Variants in PRAG1 observed in about 807,000 individuals in gnomAD.
PRAG1 encodes the protein PEAK1 related, kinase-activating pseudokinase 1.
A neutral mutation model predicts 95.6 loss-of-function variants in PRAG1; 110 were observed. The observed-to-expected ratio is 1.15, with a 90% CI of 0.99 to 1.35. PRAG1 has a LOEUF of 1.35. Among genes scored for constraint, PRAG1 ranks in the 40% most tolerant of loss-of-function variants. The pLI is 0.00. For missense variants in PRAG1, 2,554 were observed against 1,864.7 expected (o/e 1.37, Z -6.81); for synonymous variants, 1,052 against 819.4 (o/e 1.28, Z -4.85).
chr8:8,369,504 C>A (rs1314880261), intron 3 of PRAG1, among the ~76,000 whole-genome samples: 1 of 152,146 alleles, frequency 6.6e-6, no homozygotes, highest in Admixed American at 6.5e-5. Flanking sequence ...CTGTTATGTG[C>A]AAAGCAAGGA....
At chr8:8,364,040 T>C (rs1056334951) in intron 3 of PRAG1, among the ~76,000 whole-genome samples, 2 of 152,226 alleles carry the variant, frequency 1.3e-5, no homozygotes, top group Admixed American at 6.5e-5. Flanking sequence ...GCTACTATAA[T>C]GTTATGACAA....
At chr8:8,374,610 C>T (rs1311406902) in intron 3 of PRAG1, 1 of 961,908 alleles carries the variant, frequency 1.0e-6, no homozygotes, top group African/African-American at 1.8e-5. Flanking sequence ...TTAAATCCAT[C>T]CCTGGCCCAT....
chr8:8,385,442 A>G (rs1486433278), intron 1 of PRAG1, among the ~76,000 whole-genome samples: 1 of 152,204 alleles, frequency 6.6e-6, no homozygotes, highest in Non-Finnish European at 1.5e-5. Context: ...AGACCTCAGG[A>G]GAGAAAAATA....
intron 3 of PRAG1, among the ~76,000 whole-genome samples, chr8:8,367,527 G>A (rs1242140643): frequency 1.4e-5 from 2 of 139,552 alleles, no homozygotes; most frequent in East Asian, 4.3e-4. Flanking sequence ...CCACCACGCT[G>A]ACTGCTTTTA....
chr8:8,364,670 T>G (rs1055391808), intron 3 of PRAG1, among the ~76,000 whole-genome samples: 6 of 152,260 alleles, frequency 3.9e-5, no homozygotes, highest in African/African-American at 9.6e-5. Context: ...CAATGTTGTT[T>G]TTTTTTTTGT....
At chr8:8,385,661 G>A (rs559645162) in intron 1 of PRAG1, among the ~76,000 whole-genome samples, 57 of 152,362 alleles carry the variant, frequency 3.7e-4, no homozygotes, top group African/African-American at 1.4e-3. Context: ...TTACCTGAGA[G>A]AAACGCACAC....
chr8:8,365,933 T>C (rs1442431194), intron 3 of PRAG1, among the ~76,000 whole-genome samples: 1 of 151,966 alleles, frequency 6.6e-6, no homozygotes, highest in Non-Finnish European at 1.5e-5. Context: ...TGAGCTGAGA[T>C]CGTGCTTGCA....
chr8:8,369,105 G>C (rs1800108096), intron 3 of PRAG1, among the ~76,000 whole-genome samples: 2 of 151,838 alleles, frequency 1.3e-5, no homozygotes, highest in Admixed American at 6.6e-5. Flanking sequence ...ATGTTCTGTT[G>C]AGCGAGAATA....
chr8:8,372,356 A>T (rs1010107906), intron 3 of PRAG1, among the ~76,000 whole-genome samples: 3 of 152,182 alleles, frequency 2.0e-5, no homozygotes, highest in Non-Finnish European at 4.4e-5. Context: ...CATTTAAACT[A>T]TGAGTTCACC....
intron 3 of PRAG1, among the ~76,000 whole-genome samples, chr8:8,349,364 T>C (rs908312126): frequency 6.6e-6 from 1 of 152,106 alleles, no homozygotes; most frequent in Admixed American, 6.5e-5. Context: ...CACTGCAAGA[T>C]CTGCCTCCCG....
Position 8,377,423 on chromosome 8 carries a change from G to A in PRAG1, c.986C>T (p.Ser329Phe), listed in dbSNP as rs902545375. Reference protein sequence around the residue: ...HPSCLGPKKLSLTSEAAISSD... With the variant: ...HPSCLGPKKLFLTSEAAISSD... ...AGAAATGGCAGCCTCCGAGGTGAGG[G>A]ACAGTTTCTTGGGGCCCAGGCAGGA... Residue 329 changes from serine to phenylalanine, a missense_variant, in exon 3 of 6, where the codon TCC becomes TTC. Transcript: ENST00000615670. 6.4e-7 allele frequency: 1 copy of A among 1,565,344 alleles called. No individual in the cohort carries two copies. The highest frequency in any genetic ancestry group is 8.6e-7 in the Non-Finnish European group (1 of 1,156,836).
At chr8:8,363,352 C>T (rs749668552) in intron 3 of PRAG1, among the ~76,000 whole-genome samples, 40 of 152,146 alleles carry the variant, frequency 2.6e-4, no homozygotes, top group Admixed American at 9.8e-4. Flanking sequence ...AATAGTACAA[C>T]GGTATATACA....
chr8:8,325,046 C>A (rs1798590775), intron 5 of PRAG1, among the ~76,000 whole-genome samples: 1 of 152,278 alleles, frequency 6.6e-6, no homozygotes, highest in South Asian at 2.1e-4. Context: ...GCCTTCAGTG[C>A]CGGCTCCCTG....
At chr8:8,357,679 C>T (rs1799724104) in intron 3 of PRAG1, among the ~76,000 whole-genome samples, 1 of 152,146 alleles carries the variant, frequency 6.6e-6, no homozygotes. Context: ...CCAACAATTC[C>T]ACTTTGTGGT....
intron 3 of PRAG1, among the ~76,000 whole-genome samples, chr8:8,344,551 T>C (rs1378446337): frequency 6.6e-6 from 1 of 152,200 alleles, no homozygotes; most frequent in Admixed American, 6.5e-5. Flanking sequence ...TCTTCCACAG[T>C]AGCAGTAACA....
intron 3 of PRAG1, among the ~76,000 whole-genome samples, chr8:8,350,402 A>G (rs1000784277): frequency 9.2e-5 from 14 of 152,358 alleles, no homozygotes; most frequent in Admixed American, 7.8e-4. Context: ...GTTCCAACTC[A>G]TGGCCTGGAA....
chr8:8,376,365 C>T lies in PRAG1; in HGVS notation c.2044G>A (p.Gly682Arg). The change falls in exon 3 of 6, where the codon GGG (glycine) becomes AGG (arginine). Residue 682 changes from glycine to arginine, a missense_variant. Physicochemically the swap from Gly to Arg is moderately radical, Grantham distance 125. Coordinates refer to ENST00000615670, the MANE Select transcript of PRAG1 (RefSeq NM_001080826.3). ...HRLHPTDGSSGQNSKVGTGMS... is the reference protein window; with the variant it reads ...HRLHPTDGSSRQNSKVGTGMS... ...CCGGTCCCAACTTTGCTGTTCTGCC[C>T]AGAGGAGCCATCTGTGGGGTGGAGA... is the stretch of plus-strand genomic sequence containing the variant. 1 of 1,614,194 alleles carries T rather than the reference C, an allele frequency of 6.2e-7. No homozygotes were observed. Among genetic ancestry groups the T allele is most frequent in the Non-Finnish European group, 8.5e-7 (1 of 1,180,034 alleles).
intron 3 of PRAG1, among the ~76,000 whole-genome samples, chr8:8,358,029 T>C (rs1277460509): frequency 6.6e-6 from 1 of 152,136 alleles, no homozygotes; most frequent in Non-Finnish European, 1.5e-5. Context: ...ATCCCACAGG[T>C]TGAGGGTTCA....
At chr8:8,345,201 A>G (rs1351615300) in intron 3 of PRAG1, among the ~76,000 whole-genome samples, 1 of 151,730 alleles carries the variant, frequency 6.6e-6, no homozygotes, top group Non-Finnish European at 1.5e-5. Context: ...TTTATTGGAA[A>G]AGCTTGAGAA....
Sources: allele counts gnomAD v4.1 joint callset (sites outside exome capture counted in the v4.1 genomes callset), GRCh38; gene constraint gnomAD v4.1.1; transcripts MANE v1.5; gene names NCBI Gene and HGNC (gene_info 2026-07-23, HGNC 2026-07-21).